Variants in IMMP1L observed in about 807,000 individuals in gnomAD.
The protein encoded by IMMP1L is inner mitochondrial membrane peptidase subunit 1.
In IMMP1L, 24 loss-of-function variants were observed where a neutral mutation model predicts 21.8. The observed-to-expected ratio is 1.10, with a 90% CI of 0.80 to 1.55. The LOEUF is 1.55. Among genes scored for constraint, IMMP1L ranks in the 40% most tolerant of loss-of-function variants. The pLI is 0.00. For missense variants in IMMP1L, 195 were observed against 200.7 expected (o/e 0.97, Z 0.17); for synonymous variants, 46 against 62.8 (o/e 0.73, Z 1.26).
chr11:31,494,663 A>G (rs1043665527), intron 1 of IMMP1L, among the ~76,000 whole-genome samples: 1 of 151,640 alleles, frequency 6.6e-6, no homozygotes, highest in Non-Finnish European at 1.5e-5. Flanking sequence ...TTTTTTTGAA[A>G]AGTAGTCTCA....
At chr11:31,498,347 G>A (rs1955517536) in intron 1 of IMMP1L, among the ~76,000 whole-genome samples, 1 of 152,052 alleles carries the variant, frequency 6.6e-6, no homozygotes, top group Non-Finnish European at 1.5e-5. Flanking sequence ...TTTCACCACT[G>A]GACAACACTG....
intron 1 of IMMP1L, among the ~76,000 whole-genome samples, chr11:31,490,639 T>A (rs1002333068): frequency 2.6e-5 from 4 of 152,172 alleles, no homozygotes; most frequent in Non-Finnish European, 5.9e-5. Flanking sequence ...TGAAATTTTT[T>A]AAAATTTGTA....
At chr11:31,461,059 A>G (rs1286916437) in intron 2 of IMMP1L, among the ~76,000 whole-genome samples, 1 of 152,224 alleles carries the variant, frequency 6.6e-6, no homozygotes, top group Non-Finnish European at 1.5e-5. Flanking sequence ...GCCAAGAACA[A>G]TGTTTGGTAC....
At chr11:31,446,272 A>G (rs933202947) in intron 4 of IMMP1L, among the ~76,000 whole-genome samples, 1 of 152,046 alleles carries the variant, frequency 6.6e-6, no homozygotes, top group Admixed American at 6.6e-5. Context: ...TCTCGATGTT[A>G]TTATCTCAGT....
At chr11:31,504,327 A>C (rs2133837034) in intron 1 of IMMP1L, among the ~76,000 whole-genome samples, 1 of 152,330 alleles carries the variant, frequency 6.6e-6, no homozygotes, top group Non-Finnish European at 1.5e-5. Flanking sequence ...CTCTTATCCA[A>C]AATATAAAAG....
In IMMP1L at chr11:31,463,320, C is replaced by CA; in HGVS notation, c.-29-16dup. Reference sequence around the variant, plus strand: ...CCACCATTGGCCTGATGGTAAATTTCAAAAAGTTTCATGATCAATACTATT... The same window carrying CA: ...CCACCATTGGCCTGATGGTAAATTTCAAAAAAGTTTCATGATCAATACTATT... On this transcript the variant is annotated splice_polypyrimidine_tract_variant and intron_variant, in intron 1 of 5. Transcript: ENST00000532287. 1 of 1,561,594 alleles carries CA rather than the reference C, an allele frequency of 6.4e-7. No individual in the cohort carries two copies. Among genetic ancestry groups the CA allele is most frequent in the Non-Finnish European group, 8.6e-7 (1 of 1,162,184 alleles).
rs1955578523 is a variant in IMMP1L, at chr11:31,500,349, G to A, written c.-30+9170C>T. Reference sequence around the variant, plus strand: ...ATAATTAGTCTGAATAAGCAACCCTGGAGAAATCAGAGGTAATTCAGGGAG... The same window carrying A: ...ATAATTAGTCTGAATAAGCAACCCTAGAGAAATCAGAGGTAATTCAGGGAG... On this transcript the variant is annotated intron_variant, in intron 1 of 5. Coordinates refer to ENST00000532287, the MANE Select transcript of IMMP1L (RefSeq NM_001304274.2). Among the ~76,000 whole-genome samples the A allele has an allele frequency of 2.0e-5, 3 of 151,902 alleles. No homozygotes were observed. In the South Asian group the frequency reaches 6.2e-4, roughly 32 times the overall value.
intron 1 of IMMP1L, among the ~76,000 whole-genome samples, chr11:31,470,946 T>C (rs536825795): frequency 2.0e-4 from 31 of 152,190 alleles, no homozygotes; most frequent in Non-Finnish European, 3.5e-4. Context: ...GGAGATAGAA[T>C]AGTGATTATT....
intron 3 of IMMP1L, among the ~76,000 whole-genome samples, chr11:31,458,994 G>A (rs1954045846): frequency 6.6e-6 from 1 of 152,186 alleles, no homozygotes; most frequent in South Asian, 2.1e-4. Flanking sequence ...CAGATGCTTG[G>A]TTTCATGCTA....
At chr11:31,453,130 T>C in intron 4 of IMMP1L, 3 of 1,287,662 alleles carry the variant, frequency 2.3e-6, no homozygotes, top group Non-Finnish European at 3.0e-6. Flanking sequence ...TAAGCGTTGC[T>C]TGCCATGTGG....
intron 4 of IMMP1L, among the ~76,000 whole-genome samples, chr11:31,437,887 GT>G (rs1163039432): frequency 2.0e-5 from 3 of 152,102 alleles, no homozygotes; most frequent in African/African-American, 7.2e-5. Context: ...TGCTTAGCAA[GT>G]TTTTATGATT....
chr11:31,453,011 CA>C (rs1953809627), intron 4 of IMMP1L: 2 of 1,195,540 alleles, frequency 1.7e-6, no homozygotes, highest in Non-Finnish European at 2.2e-6. Context: ...CTTGGCCTCT[CA>C]AAGTGCTGGG....
At chr11:31,445,806 T>C (rs1953498899) in intron 4 of IMMP1L, among the ~76,000 whole-genome samples, 1 of 152,044 alleles carries the variant, frequency 6.6e-6, no homozygotes, top group Non-Finnish European at 1.5e-5. Context: ...TGGCATTTTT[T>C]AGTGATGATG....
At chr11:31,458,316 T>A (rs1031778743) in intron 3 of IMMP1L, among the ~76,000 whole-genome samples, 4 of 152,132 alleles carry the variant, frequency 2.6e-5, no homozygotes, top group South Asian at 2.1e-4. Flanking sequence ...TTTATAAACA[T>A]CCTTATTATT....
At chr11:31,500,664 C>A (rs1273442412) in intron 1 of IMMP1L, among the ~76,000 whole-genome samples, 2 of 151,642 alleles carry the variant, frequency 1.3e-5, no homozygotes, top group African/African-American at 4.9e-5. Flanking sequence ...ACTCGGAACA[C>A]AGGGCAAATG....
chr11:31,461,164 T>C (rs778693573), intron 2 of IMMP1L, among the ~76,000 whole-genome samples: 2 of 152,220 alleles, frequency 1.3e-5, no homozygotes, highest in Non-Finnish European at 2.9e-5. Flanking sequence ...TGATGATGAT[T>C]TACTAAATGG....
In IMMP1L at chr11:31,494,621, C is replaced by T. The variant is rs565290175; in HGVS notation, c.-30+14898G>A. On this transcript the variant is annotated intron_variant, in intron 1 of 5. Transcript: ENST00000532287. ...GAAAATGGGTTTTTCTTTTATATCACATAGTCAGGCTGCAAATTTTCCAAA... is the reference window on the plus strand; with the variant it reads ...GAAAATGGGTTTTTCTTTTATATCATATAGTCAGGCTGCAAATTTTCCAAA... 7.5e-4 allele frequency among the ~76,000 whole-genome samples: 114 copies of T among 152,216 alleles called. 1 individual carries two copies. The Middle Eastern group carries it at 0.01, about 14-fold the overall frequency.
At chr11:31,443,673 C>T (rs145850684) in intron 4 of IMMP1L, among the ~76,000 whole-genome samples, 5 of 152,224 alleles carry the variant, frequency 3.3e-5, no homozygotes, top group Non-Finnish European at 7.4e-5. Flanking sequence ...TATTTTAATA[C>T]GTACTATTTC....
chr11:31,490,173 T>C (rs1307086402), intron 1 of IMMP1L, among the ~76,000 whole-genome samples: 2 of 152,186 alleles, frequency 1.3e-5, no homozygotes, highest in East Asian at 1.9e-4. Context: ...TGTGTGTGTA[T>C]GTAATGTGCA....
Sources: allele counts gnomAD v4.1 joint callset (sites outside exome capture counted in the v4.1 genomes callset), GRCh38; gene constraint gnomAD v4.1.1; transcripts MANE v1.5; gene names NCBI Gene and HGNC (gene_info 2026-07-23, HGNC 2026-07-21).